The following RYR3 variants were observed in gnomAD, a reference collection of about 807,000 sequenced individuals.
RYR3 encodes the protein ryanodine receptor 3.
In RYR3, 207 loss-of-function variants were observed where a neutral mutation model predicts 584.3. That is an observed-to-expected ratio of 0.35 (90% CI 0.32 to 0.40). The LOEUF (loss-of-function observed/expected upper bound fraction) is 0.40. Ranked by LOEUF, RYR3 falls within the 10% of genes least tolerant of loss-of-function variation. The probability of loss-of-function intolerance (pLI) is 1.00; values close to 1 mark genes in which losing one functional copy is unlikely to be tolerated. For synonymous variants in RYR3, 2,416 were observed against 2,248.5 expected, an observed-to-expected ratio of 1.07 and a Z score of -2.11; for missense variants, 5,616 against 6,089.2, an observed-to-expected ratio of 0.92 and a Z score of 2.59.
intron 1 of RYR3, among the ~76,000 whole-genome samples, chr15:33,457,799 A>C (rs1376762309): frequency 6.6e-6 from 1 of 152,212 alleles, no homozygotes; most frequent in Non-Finnish European, 1.5e-5. Context: ...ATCATCATAC[A>C]ACATATGTAT....
At chr15:33,558,317 A>G (rs1477510420) in intron 10 of RYR3, among the ~76,000 whole-genome samples, 2 of 151,050 alleles carry the variant, frequency 1.3e-5, no homozygotes, top group African/African-American at 4.9e-5. Flanking sequence ...TCATTGTTCA[A>G]TTCCCACCTA....
rs956523565 is a variant in RYR3 at position 33,311,287 on chromosome 15, C to T, written c.51+191C>T. ...GCGAGGGGCTGCGTGGGAAGGGGCA[C>T]CATCTCCTGCCTCTCCCTTGTTCCC... On this transcript the variant is annotated intron_variant, in intron 1 of 103. Transcript: ENST00000634891. This position sits in a 1 kb window ranked among gnomAD's most constrained non-coding sequence, Gnocchi z 4.4. 9.2e-5 allele frequency among the ~76,000 whole-genome samples: 14 copies of T among 152,182 alleles called. No individual in the cohort carries two copies. The highest frequency in any genetic ancestry group is 1.3e-4 in the Non-Finnish European group (9 of 68,010).
intron 1 of RYR3, among the ~76,000 whole-genome samples, chr15:33,426,612 ATTC>A (rs2044674766): frequency 6.6e-6 from 1 of 152,218 alleles, no homozygotes; most frequent in South Asian, 2.1e-4. Flanking sequence ...CCTTTTGGGT[ATTC>A]TTATCATCTG....
At chr15:33,729,830 C>T (rs1184880841) in intron 47 of RYR3, among the ~76,000 whole-genome samples, 1 of 152,106 alleles carries the variant, frequency 6.6e-6, no homozygotes, top group Non-Finnish European at 1.5e-5. Flanking sequence ...CTCAAAGGCT[C>T]CACCTGGTGT....
chr15:33,515,985 G>A (rs537795360), intron 3 of RYR3, among the ~76,000 whole-genome samples: 5 of 152,004 alleles, frequency 3.3e-5, no homozygotes, highest in African/African-American at 4.8e-5. Context: ...GGAATTTCTA[G>A]GGTGTCTATT....
Position 33,827,895 on chromosome 15 carries a change from A to T in RYR3, c.11334+608A>T, listed in dbSNP as rs138382200. On this transcript the variant is annotated intron_variant, in intron 85 of 103. Transcript: ENST00000634891. ...GACCTATGCCATAGGGTGGTAGTAAAGATTGAGAGGTTGGATACAGGCATA... is the reference window on the plus strand; with the variant it reads ...GACCTATGCCATAGGGTGGTAGTAATGATTGAGAGGTTGGATACAGGCATA... 4.3e-3 allele frequency among the ~76,000 whole-genome samples: 653 copies of T among 152,254 alleles called. 4 individuals are homozygous for T. Among genetic ancestry groups the T allele is most frequent in the African/African-American group, 0.015 (632 of 41,526 alleles).
chr15:33,765,361 G>A (rs556118745), intron 60 of RYR3, among the ~76,000 whole-genome samples: 166 of 152,116 alleles, frequency 1.1e-3, no homozygotes, highest in Non-Finnish European at 1.7e-3. Context: ...GGCCAGGCGC[G>A]GTGGCTCACA....
chr15:33,548,383 C>A (rs573718441), intron 9 of RYR3, among the ~76,000 whole-genome samples, 179 bp downstream of exon 9: 1 of 152,362 alleles, frequency 6.6e-6, no homozygotes, highest in Non-Finnish European at 1.5e-5. Flanking sequence ...CACACAATCT[C>A]CAAAGCCACT....
chr15:33,843,650 CAG>C, intron 92 of RYR3, 76 bp downstream of exon 92: 1 of 1,042,244 alleles, frequency 9.6e-7, no homozygotes, highest in East Asian at 2.7e-5. Flanking sequence ...AGAATCATGA[CAG>C]AATTTGTGCT....
At chr15:33,575,340 A>T (rs1280802043) in intron 12 of RYR3, among the ~76,000 whole-genome samples, 1 of 152,256 alleles carries the variant, frequency 6.6e-6, no homozygotes, top group African/African-American at 2.4e-5. Flanking sequence ...TCAGTGCCAC[A>T]TGACACTTAC....
At chr15:33,339,324 G>T (rs189078645) in intron 1 of RYR3, among the ~76,000 whole-genome samples, 1 of 152,322 alleles carries the variant, frequency 6.6e-6, no homozygotes, top group East Asian at 1.9e-4. Flanking sequence ...TTAGAAGGAA[G>T]ACTTCTGCCC....
intron 5 of RYR3, among the ~76,000 whole-genome samples, chr15:33,534,942 A>C (rs1351586401): frequency 2.6e-5 from 4 of 152,222 alleles, no homozygotes; most frequent in Admixed American, 1.3e-4. Flanking sequence ...TGCAAACAAG[A>C]GAACTTGATT....
At position 33,731,755 on chromosome 15, in the gene RYR3, A is replaced by G. The variant is rs956245813; in HGVS notation, c.7424+61A>G. The G allele has an allele frequency of 1.2e-5, 14 of 1,174,800 alleles. No individual in the cohort carries two copies. In the African/African-American group the frequency reaches 1.5e-4, roughly 13 times the overall value. The allele number at this position is 1,174,800 out of a possible 1,614,324, so 72.8% of individuals were successfully genotyped here. A position where few individuals can be genotyped will look rare whatever the true frequency, so the allele number is the denominator to read the frequency against. On this transcript the variant is annotated intron_variant, in intron 48 of 103. Transcript: ENST00000634891. The stretch of plus-strand genomic sequence containing the variant: ...GCATCCAGGTCAACTGCATTTTCCT[A>G]TGTAATCTAAAAACTGGTGGTCTAG...
intron 27 of RYR3, among the ~76,000 whole-genome samples, chr15:33,642,778 C>T (rs2061902912): frequency 6.6e-6 from 1 of 152,174 alleles, no homozygotes; most frequent in Non-Finnish European, 1.5e-5. Context: ...GGTGCTTGTC[C>T]AAGGGACCAG....
intron 1 of RYR3, among the ~76,000 whole-genome samples, chr15:33,340,219 C>A (rs2140821790): frequency 6.6e-6 from 1 of 152,314 alleles, no homozygotes; most frequent in Admixed American, 6.5e-5. Context: ...ACAACCATTG[C>A]ACACATTGCA....
rs1424700493 is a variant in RYR3 at position 33,339,826 on chromosome 15, T to C, written c.51+28730T>C. Among the ~76,000 whole-genome samples the C allele has an allele frequency of 2.0e-5, 3 of 151,164 alleles. No homozygotes were observed. The East Asian group carries it at 5.9e-4, about 30-fold the overall frequency. The stretch of plus-strand genomic sequence containing the variant: ...ATGGCGTGAACCCGGGAGGCGGAGC[T>C]TGCAGTGAGCCGAGATAGCACCACT... On this transcript the variant is annotated intron_variant, in intron 1 of 103. Transcript: ENST00000634891.
intron 1 of RYR3, among the ~76,000 whole-genome samples, chr15:33,465,468 C>T (rs1348069596): frequency 6.6e-6 from 1 of 152,058 alleles, no homozygotes; most frequent in African/African-American, 2.4e-5. Context: ...ATATGCTCAC[C>T]AATACTTCAT....
chr15:33,675,366 G>T (rs887576239), intron 38 of RYR3, among the ~76,000 whole-genome samples: 2 of 152,206 alleles, frequency 1.3e-5, no homozygotes, highest in Admixed American at 1.3e-4. Flanking sequence ...ATCACACAGA[G>T]GTGGCATAAA....
chr15:33,700,758 T>A (rs887916608), intron 41 of RYR3, among the ~76,000 whole-genome samples: 1 of 152,164 alleles, frequency 6.6e-6, no homozygotes, highest in African/African-American at 2.4e-5. Context: ...GAACCGATTT[T>A]GTATTAATTC....
Sources: gnomAD v4.1 joint callset for allele counts (sites outside exome capture counted in the v4.1 genomes callset) on GRCh38, gnomAD v4.1.1 for gene constraint, Gnocchi (gnomAD v3.1) non-coding constraint, MANE v1.5 for transcripts, NCBI Gene and HGNC (gene_info 2026-07-23, HGNC 2026-07-21) for gene names.